Variants in SPIDR observed in about 807,000 individuals in gnomAD.
SPIDR encodes the protein scaffold protein involved in DNA repair, also known as DNA repair-scaffolding protein.
SPIDR carries 93 observed loss-of-function variants against 104.6 expected under a neutral mutation model. The ratio of observed to expected loss-of-function variants is 0.89; its 90% CI spans 0.75 to 1.06. The LOEUF is 1.06. Ranked by LOEUF, SPIDR falls within the 50% of genes least tolerant of loss-of-function variation. The pLI, the probability that SPIDR is intolerant of heterozygous loss-of-function variation, is 0.00. For synonymous variants in SPIDR, 431 were observed against 416.9 expected (o/e 1.03, Z -0.41); for missense variants, 1,154 against 1,111.2 (o/e 1.04, Z -0.55).
At chr8:47,611,006 T>C (rs938541592) in intron 10 of SPIDR, among the ~76,000 whole-genome samples, 1 of 152,230 alleles carries the variant, frequency 6.6e-6, no homozygotes, top group African/African-American at 2.4e-5. Context: ...CTGTGACTCA[T>C]CTGGTTTTGG....
chr8:47,553,503 A>G (rs1233814601), intron 8 of SPIDR, among the ~76,000 whole-genome samples: 1 of 152,158 alleles, frequency 6.6e-6, no homozygotes. Flanking sequence ...TTGGTCTTCA[A>G]TCACTGATAC....
chr8:47,728,944 C>T lies in SPIDR; in HGVS notation c.2447C>T (p.Ser816Phe), dbSNP rs934520750. ...EQRPEDRGAF[S>F]CGDCSRVVTS... Reference sequence around the variant, plus strand: ...TTTTCATATACCAGAGGCGCCTTTTCCTGTGGGGACTGCTCCCGGGTGGTC... The same window carrying T: ...TTTTCATATACCAGAGGCGCCTTTTTCTGTGGGGACTGCTCCCGGGTGGTC... Residue 816 changes from serine (S) to phenylalanine (F), a missense_variant, in exon 18 of 20, where the codon TCC becomes TTC. By Grantham distance (155) the Ser-to-Phe change is radical (BLOSUM62 -2). Coordinates refer to ENST00000297423, the MANE Select transcript of SPIDR (RefSeq NM_001080394.4). 1.2e-6 allele frequency: 2 copies of T among 1,610,814 alleles called. No homozygotes were observed. The highest frequency in any genetic ancestry group is 1.7e-4 in the Middle Eastern group (1 of 6,054).
At chr8:47,633,399 T>C (rs10441581) in intron 10 of SPIDR, among the ~76,000 whole-genome samples, 103,679 of 151,188 alleles carry the variant, frequency 0.69, 35,831 homozygotes, top group East Asian at 0.82. Context: ...CAGTCTTCTT[T>C]ATAGGAGGGG....
intron 8 of SPIDR, among the ~76,000 whole-genome samples, chr8:47,540,676 A>G (rs2087925725): frequency 6.6e-6 from 1 of 151,992 alleles, no homozygotes; most frequent in African/African-American, 2.4e-5. Context: ...CTCTGTGGTC[A>G]TTTTCTTCTT....
At chr8:47,590,388 T>C (rs1344092337) in intron 8 of SPIDR, among the ~76,000 whole-genome samples, 3 of 152,196 alleles carry the variant, frequency 2.0e-5, no homozygotes, top group Admixed American at 6.5e-5. Flanking sequence ...TTTAGTTCAG[T>C]GTTTGTTTTT....
intron 8 of SPIDR, among the ~76,000 whole-genome samples, chr8:47,449,064 C>T (rs184110041): frequency 6.3e-4 from 96 of 151,994 alleles, no homozygotes; most frequent in African/African-American, 1.8e-3. Flanking sequence ...AAATGCATCT[C>T]GGAGGCTGTG....
intron 16 of SPIDR, among the ~76,000 whole-genome samples, chr8:47,726,148 TC>T (rs536720107): frequency 2.0e-5 from 3 of 152,252 alleles, no homozygotes; most frequent in Non-Finnish European, 2.9e-5. Context: ...TTGCTTTTCA[TC>T]CCTTTGACCC....
intron 5 of SPIDR, among the ~76,000 whole-genome samples, chr8:47,386,877 G>A (rs562780393): frequency 1.0e-3 from 105 of 100,270 alleles, no homozygotes; most frequent in African/African-American, 2.7e-3. Flanking sequence ...GGGGACGAGG[G>A]GAGAGAGAGA....
intron 5 of SPIDR, among the ~76,000 whole-genome samples, chr8:47,302,803 G>C (rs1278264961): frequency 6.6e-6 from 1 of 152,156 alleles, no homozygotes; most frequent in Non-Finnish European, 1.5e-5. Context: ...CATTCCTCTG[G>C]AAGTTTTTGT....
chr8:47,511,354 G>T (rs1386382659), intron 8 of SPIDR: 2 of 1,079,226 alleles, frequency 1.9e-6, no homozygotes, highest in Non-Finnish European at 2.9e-6. Context: ...CACCTAGGGG[G>T]CAGTGCTGCT....
intron 10 of SPIDR, among the ~76,000 whole-genome samples, chr8:47,618,724 C>T (rs1399628571): frequency 2.0e-5 from 3 of 152,056 alleles, no homozygotes; most frequent in Non-Finnish European, 1.5e-5. Flanking sequence ...TTAAAGTAAT[C>T]GTTTTTTAGT....
intron 8 of SPIDR, among the ~76,000 whole-genome samples, chr8:47,552,399 G>T (rs2090650905): frequency 6.6e-6 from 1 of 152,048 alleles, no homozygotes; most frequent in African/African-American, 2.4e-5. Flanking sequence ...TTATTGTGTG[G>T]GAGTCTAAGT....
At position 47,291,032 on chromosome 8, in the gene SPIDR, G is replaced by T; in HGVS notation, c.257-1G>T. The T allele has an allele frequency of 6.2e-7, 1 of 1,603,000 alleles. No individual in the cohort carries two copies. The highest frequency in any genetic ancestry group is 8.5e-7 in the Non-Finnish European group (1 of 1,172,884). ...TTATGTGCTTTCTTTTCCTTCAACA[G>T]AAACCACCACATCTAAAAGCACCAG... On this transcript the variant is annotated splice_acceptor_variant, in intron 3 of 19. Coordinates refer to ENST00000297423, the MANE Select transcript of SPIDR (RefSeq NM_001080394.4). LOFTEE classifies it high-confidence loss of function.
intron 8 of SPIDR, among the ~76,000 whole-genome samples, chr8:47,534,433 G>A (rs1392621853): frequency 6.6e-6 from 1 of 152,132 alleles, no homozygotes; most frequent in Non-Finnish European, 1.5e-5. Context: ...ATACACCATG[G>A]AATACTATGC....
At chr8:47,390,240 T>TC (rs1554650900) in intron 5 of SPIDR, among the ~76,000 whole-genome samples, 1 of 152,118 alleles carries the variant, frequency 6.6e-6, no homozygotes, top group Non-Finnish European at 1.5e-5. Context: ...GAATGGACTG[T>TC]CCAAGAATCC....
At chr8:47,603,900 C>T (rs2062622225) in intron 10 of SPIDR, among the ~76,000 whole-genome samples, 1 of 152,156 alleles carries the variant, frequency 6.6e-6, no homozygotes, top group African/African-American at 2.4e-5. Context: ...TGATGTTTTA[C>T]TCCTCTTTTT....
intron 5 of SPIDR, among the ~76,000 whole-genome samples, chr8:47,322,509 C>T (rs888115786): frequency 3.7e-4 from 56 of 152,136 alleles, no homozygotes; most frequent in Non-Finnish European, 3.5e-4. Context: ...ACTAGTTCAA[C>T]TATTGTGGAA....
chr8:47,687,714 C>G (rs1022009828), intron 11 of SPIDR, among the ~76,000 whole-genome samples: 7 of 152,220 alleles, frequency 4.6e-5, no homozygotes, highest in African/African-American at 1.7e-4. Flanking sequence ...CTTCACACTT[C>G]TGAGAGTGTT....
chr8:47,297,457 A>AT lies in SPIDR; in HGVS notation c.525+3436dup, dbSNP rs199816155. On this transcript the variant is annotated intron_variant, in intron 5 of 19. Transcript: ENST00000297423. ...TGTGTCACATGCTTTTTCCATATCT[A>AT]TTTTTTTTTATTATTATACTTTAAG... is the stretch of plus-strand genomic sequence containing the variant. Among the ~76,000 whole-genome samples the AT allele has an allele frequency of 3.2e-3, 475 of 150,770 alleles. 13 individuals carry two copies. The East Asian group carries it at 0.077, about 24-fold the overall frequency.
Sources: gnomAD v4.1 joint callset for allele counts (sites outside exome capture counted in the v4.1 genomes callset) on GRCh38, gnomAD v4.1.1 for gene constraint, MANE v1.5 for transcripts, NCBI Gene and HGNC (gene_info 2026-07-23, HGNC 2026-07-21) for gene names.